PCCA: variants seen among roughly 807,000 people sequenced by gnomAD.
PCCA encodes propionyl-CoA carboxylase alpha chain, mitochondrial.
Under a neutral mutation model 101.3 loss-of-function variants are expected in PCCA, and 74 were observed. The ratio of observed to expected loss-of-function variants is 0.73; its 90% confidence interval spans 0.61 to 0.89. The LOEUF (loss-of-function observed/expected upper bound fraction) is 0.89. Among genes scored for constraint, PCCA ranks in the 40% least tolerant of loss-of-function variants. PCCA has a pLI of 0.00. For missense variants in PCCA, 891 were observed against 907.0 expected, an observed-to-expected ratio of 0.98 and a Z score of 0.23; for synonymous variants, 294 against 313.6, an observed-to-expected ratio of 0.94 and a Z score of 0.66.
chr13:100,490,586 C>A (rs1165916383), intron 21 of PCCA: 1 of 152,206 alleles, frequency 6.6e-6, no homozygotes, highest in Admixed American at 6.5e-5. Context: ...TTGAGGTATA[C>A]TTTACAGATA....
chr13:100,212,570 C>T (rs900843347), intron 7 of PCCA, among the ~76,000 whole-genome samples: 1 of 152,110 alleles, frequency 6.6e-6, no homozygotes, highest in African/African-American at 2.4e-5. Flanking sequence ...TTTCTTTGCC[C>T]GTACTAACCA....
intron 6 of PCCA, among the ~76,000 whole-genome samples, chr13:100,185,736 C>G (rs2057202714): frequency 6.6e-6 from 1 of 151,812 alleles, no homozygotes; most frequent in South Asian, 2.1e-4. Context: ...CAGCCTCCAC[C>G]TCCGAGGTTC....
At chr13:100,089,255 G>A in intron 1 of PCCA, 30 bp downstream of exon 1, 1 of 1,458,224 alleles carries the variant, frequency 6.9e-7, no homozygotes, top group Non-Finnish European at 9.1e-7. Flanking sequence ...CGCGGGTCCG[G>A]GCTTCACTGG....
chr13:100,438,496 CTGATTT>C (rs778670566), intron 20 of PCCA, among the ~76,000 whole-genome samples: 13 of 152,130 alleles, frequency 8.5e-5, no homozygotes, highest in Non-Finnish European at 1.9e-4. Context: ...CCTCCTGATT[CTGATTT>C]TATTTACTGT....
At chr13:100,529,657 G>A (rs1044720380) in intron 23 of PCCA, among the ~76,000 whole-genome samples, 3 of 152,154 alleles carry the variant, frequency 2.0e-5, no homozygotes, top group Non-Finnish European at 4.4e-5. Flanking sequence ...TCTGACTGTC[G>A]TGTGTTTTGT....
intron 4 of PCCA, among the ~76,000 whole-genome samples, chr13:100,135,077 AT>A (rs200256593): frequency 4.0e-5 from 6 of 150,500 alleles, no homozygotes; most frequent in African/African-American, 9.7e-5. Context: ...CCTAAGTGTA[AT>A]TTTTTTTTGG....
At chr13:100,305,652 A>C (rs1299683316) in intron 14 of PCCA, 1 of 245,332 alleles carries the variant, frequency 4.1e-6, no homozygotes, top group Non-Finnish European at 8.4e-6. Flanking sequence ...TCTGTTATGT[A>C]ACCCGTTTAC....
intron 4 of PCCA, among the ~76,000 whole-genome samples, chr13:100,151,810 G>C (rs550699980): frequency 6.6e-6 from 1 of 152,164 alleles, no homozygotes; most frequent in Admixed American, 6.5e-5. Context: ...GTGTACCTCA[G>C]TTTAAACTTT....
chr13:100,132,389 T>C (rs1401148350), intron 4 of PCCA, among the ~76,000 whole-genome samples: 1 of 151,526 alleles, frequency 6.6e-6, no homozygotes, highest in Non-Finnish European at 1.5e-5. Context: ...CCCATCACTA[T>C]AGCATTGTCA....
chr13:100,260,055 A>G (rs1188298671), intron 9 of PCCA, among the ~76,000 whole-genome samples: 1 of 152,162 alleles, frequency 6.6e-6, no homozygotes, highest in Non-Finnish European at 1.5e-5. Flanking sequence ...GAAAGATCTC[A>G]ATCATTATAG....
chr13:100,213,504 T>C (rs2059346088), intron 7 of PCCA, among the ~76,000 whole-genome samples: 1 of 152,260 alleles, frequency 6.6e-6, no homozygotes, highest in African/African-American at 2.4e-5. Context: ...CCTTTTTATA[T>C]GCCTGTTTAA....
intron 4 of PCCA, among the ~76,000 whole-genome samples, chr13:100,119,149 T>C (rs2049114793): frequency 6.6e-6 from 1 of 152,176 alleles, no homozygotes; most frequent in African/African-American, 2.4e-5. Flanking sequence ...GATTTTCTGC[T>C]CCTTTTTGAA....
intron 17 of PCCA, among the ~76,000 whole-genome samples, chr13:100,332,685 C>A (rs1566948922): frequency 6.6e-6 from 1 of 152,126 alleles, no homozygotes; most frequent in Non-Finnish European, 1.5e-5. Context: ...GAGAAGGGAT[C>A]CCCTTCAAAC....
intron 19 of PCCA, among the ~76,000 whole-genome samples, chr13:100,404,484 C>T (rs988928326): frequency 1.3e-5 from 2 of 151,946 alleles, no homozygotes; most frequent in Middle Eastern, 3.4e-3. Flanking sequence ...CGTTTTTTTT[C>T]AAAGGAGTCC....
intron 1 of PCCA, among the ~76,000 whole-genome samples, chr13:100,089,942 G>C (rs962050476): frequency 3.3e-4 from 50 of 152,244 alleles, no homozygotes; most frequent in African/African-American, 1.2e-3. Flanking sequence ...GTGCTTCTGA[G>C]CTCTGTCTCC....
chr13:100,507,381 A>G lies in PCCA; in HGVS notation c.1900-8046A>G, dbSNP rs80183001. 2.9e-3 allele frequency among the ~76,000 whole-genome samples: 444 copies of G among 152,144 alleles called. 18 individuals carry two copies. In the East Asian group the frequency reaches 0.056, roughly 19 times the overall value. The stretch of plus-strand genomic sequence containing the variant: ...TGCACACATGGCACTATGGCGCCAC[A>G]CTCCAGGTAGGCTGCTGTCATTAAC... On this transcript the variant is annotated intron_variant, in intron 21 of 23. Coordinates refer to ENST00000376285, the MANE Select transcript of PCCA (RefSeq NM_000282.4).
intron 9 of PCCA, among the ~76,000 whole-genome samples, chr13:100,259,256 G>T (rs549380149): frequency 2.0e-5 from 3 of 150,952 alleles, no homozygotes; most frequent in African/African-American, 4.9e-5. Context: ...TATGTTTTTT[G>T]GGGGGAAGTA....
chr13:100,244,962 T>TGCGC (rs60156533), intron 8 of PCCA, among the ~76,000 whole-genome samples: 18 of 143,346 alleles, frequency 1.3e-4, no homozygotes, highest in African/African-American at 3.1e-4. Context: ...TGTGTGTGTG[T>TGCGC]GTGCGCAGTA....
chr13:100,451,873 C>G (rs1466336088), intron 21 of PCCA, among the ~76,000 whole-genome samples: 1 of 11,076 alleles, frequency 9.0e-5, no homozygotes, highest in Non-Finnish European at 2.7e-4. Context: ...TCCTCTCTCT[C>G]CTCTTCCTCT....
Sources: allele counts gnomAD v4.1 joint callset (sites outside exome capture counted in the v4.1 genomes callset), GRCh38; gene constraint gnomAD v4.1.1; transcripts MANE v1.5; gene names NCBI Gene and HGNC (gene_info 2026-07-23, HGNC 2026-07-21).